Variants in PSMA4 observed in about 807,000 individuals in gnomAD.
PSMA4 encodes the protein proteasome 20S subunit alpha 4.
PSMA4 carries 8 observed loss-of-function variants against 37.2 expected under a neutral mutation model. The ratio of observed to expected loss-of-function variants is 0.22; its 90% CI spans 0.13 to 0.39. The LOEUF (loss-of-function observed/expected upper bound fraction) is 0.39. Among genes scored for constraint, PSMA4 ranks in the 10% least tolerant of loss-of-function variants. PSMA4 has a pLI of 1.00. For synonymous variants in PSMA4, 93 were observed against 98.8 expected (o/e 0.94, Z 0.35); for missense variants, 169 against 305.1 (o/e 0.55, Z 3.32).
At chr15:78,541,526 C>T (rs1381021662) in intron 1 of PSMA4, 1 of 255,110 alleles carries the variant, frequency 3.9e-6, no homozygotes, top group Non-Finnish European at 7.7e-6. Context: ...GTGTGGAATG[C>T]CCTTCTTTCT....
At chr15:78,541,859 A>C in intron 1 of PSMA4, 46 bp from the exon 2 acceptor site, 1 of 1,456,396 alleles carries the variant, frequency 6.9e-7, no homozygotes, top group Non-Finnish European at 9.6e-7. Context: ...AATGCTTTTT[A>C]ATTTGTGAAT....
At chr15:78,542,342 TTATCATCACCAGG>T in intron 3 of PSMA4, 123 bp downstream of exon 3, 1 of 1,395,740 alleles carries the variant, frequency 7.2e-7, no homozygotes, top group African/African-American at 1.5e-5. Context: ...TTTGAAGCAA[TTATCATCACCAGG>T]TTGATTATAC....
intron 5 of PSMA4, 196 bp from the exon 6 acceptor site, chr15:78,544,673 C>T: frequency 2.0e-6 from 1 of 489,604 alleles, no homozygotes; most frequent in Non-Finnish European, 3.6e-6. Context: ...TTGAAAATTA[C>T]AGATTTTTTT....
chr15:78,544,805 A>G, intron 5 of PSMA4, 64 bp from the exon 6 acceptor site: 1 of 1,152,342 alleles, frequency 8.7e-7, no homozygotes, highest in Non-Finnish European at 1.3e-6. Context: ...TTCAGAGAAT[A>G]TTTTCCTTAG....
In PSMA4 at chr15:78,541,729, C is replaced by CAGTATT. The variant is rs2052456895; in HGVS notation, c.-23-173_-23-168dup. 1.0e-5 allele frequency: 6 copies of CAGTATT among 595,560 alleles called. No individual in the cohort carries two copies. The South Asian group carries it at 1.0e-4, about 10-fold the overall frequency. The allele number at this position is 595,560 out of a possible 1,614,324, so 36.9% of individuals were successfully genotyped here. On this transcript the variant is annotated intron_variant, in intron 1 of 8. Transcript: ENST00000044462. ...ATGACTGCCTCTCTCACCTAACTGC[C>CAGTATT]AGTATTAGCTTTTCAGGACAGGAAC...
rs1398520601 is a variant in PSMA4 at position 78,541,887 on chromosome 15, C to G, written c.-23-18C>G. ...TTGTGAATCTTATTTTAATGATGAT[C>G]TGATTTTCTTTTTACAGGAACTATA... On this transcript the variant is annotated intron_variant, in intron 1 of 8. Transcript: ENST00000044462. 6.5e-7 allele frequency: 1 copy of G among 1,543,268 alleles called. No individual in the cohort carries two copies. Among genetic ancestry groups the G allele is most frequent in the Non-Finnish European group, 8.9e-7 (1 of 1,118,382 alleles).
chr15:78,546,673 T>C lies in PSMA4; in HGVS notation c.606T>C (p.Asp202=). The C allele has an allele frequency of 1.2e-6, 2 of 1,602,052 alleles. No individual in the cohort carries two copies. The highest frequency in any genetic ancestry group is 8.5e-7 in the Non-Finnish European group (1 of 1,176,700). The change falls in exon 8 of 9, where the codon GAT becomes GAC. Residue 202 remains aspartate (D), a synonymous_variant. Transcript: ENST00000044462. The part of the protein sequence containing the change: ...LAIKVLNKTM[D]VSKLSAEKVE... Reference sequence around the variant, plus strand: ...TCAAAGTACTAAATAAGACCATGGATGTTAGTAAACTCTCTGCTGAAAAAG... The same window carrying C: ...TCAAAGTACTAAATAAGACCATGGACGTTAGTAAACTCTCTGCTGAAAAAG...
At position 78,542,234 on chromosome 15, in the gene PSMA4, G is replaced by A. The variant is rs1596041322; in HGVS notation, c.46+15G>A. ...TTCTCCAGAAGGTAAAATAGAAATT[G>A]TTTAATCTGCCTCAAGTTTAAAAAT... On this transcript the variant is annotated intron_variant, in intron 3 of 8. Transcript: ENST00000044462. 1 of 1,584,184 alleles carries A rather than the reference G, an allele frequency of 6.3e-7. No individual in the cohort carries two copies.
intron 1 of PSMA4, chr15:78,540,818 T>G (rs2052434542): frequency 6.6e-6 from 1 of 152,226 alleles, no homozygotes; most frequent in Non-Finnish European, 1.5e-5. Flanking sequence ...TGGGGTGGCT[T>G]CCGTCCTCAG....
At chr15:78,543,554 G>A (rs1048718595) in intron 4 of PSMA4, among the ~76,000 whole-genome samples, 36 of 144,566 alleles carry the variant, frequency 2.5e-4, no homozygotes, top group African/African-American at 8.1e-4. Context: ...AGAGCAGTCT[G>A]TCTAGCAAAA....
chr15:78,546,333 A>G (rs930584821), intron 7 of PSMA4, among the ~76,000 whole-genome samples: 1 of 151,914 alleles, frequency 6.6e-6, no homozygotes, highest in Non-Finnish European at 1.5e-5. Flanking sequence ...AATCCTAGCT[A>G]CCCAGGAGGC....
At chr15:78,548,690 C>T (rs1396557491) in intron 8 of PSMA4, 100 bp from the exon 9 acceptor site, 4 of 1,481,908 alleles carry the variant, frequency 2.7e-6, no homozygotes, top group South Asian at 1.6e-5. Flanking sequence ...ACTAACGTTT[C>T]AATGATGTGG....
At chr15:78,541,326 C>A (rs1477708103) in intron 1 of PSMA4, 1 of 155,372 alleles carries the variant, frequency 6.4e-6, no homozygotes, top group Non-Finnish European at 1.4e-5. Flanking sequence ...ATAACTGCCT[C>A]CACCCCCAAG....
intron 8 of PSMA4, 73 bp from the exon 9 acceptor site, chr15:78,548,717 G>GT: frequency 6.5e-7 from 1 of 1,534,646 alleles, no homozygotes; most frequent in Non-Finnish European, 8.7e-7. Flanking sequence ...TAAACCATGA[G>GT]TGCCTATTAA....
chr15:78,541,505 C>G, intron 1 of PSMA4: 2 of 217,212 alleles, frequency 9.2e-6, no homozygotes, highest in South Asian at 1.2e-4. Flanking sequence ...TTTGTTCATA[C>G]TTTCTGCTCT....
Position 78,548,896 on chromosome 15 carries a change from A to C in PSMA4, c.738A>C (p.Lys246Asn). Residue 246 changes from lysine to asparagine, a missense_variant, in exon 9 of 9, where the codon AAA becomes AAC. Physicochemically the swap from Lys to Asn is moderately conservative, Grantham distance 94 (BLOSUM62 0). This residue lies in a region of PSMA4 where 90 missense variants were observed against 92.7 expected (regional missense o/e 0.97). Transcript: ENST00000044462. ...AAAAACATGAGGAAGAAGAAGCCAA[A>C]GCTGAGCGTGAGAAGAAAGAAAAAG... Reference protein sequence around the residue: ...LIKKHEEEEAKAEREKKEKEQ... With the variant: ...LIKKHEEEEANAEREKKEKEQ... The C allele has an allele frequency of 6.2e-7, 1 of 1,612,326 alleles. No individual in the cohort carries two copies. Among genetic ancestry groups the C allele is most frequent in the South Asian group, 1.1e-5 (1 of 90,488 alleles).
intron 5 of PSMA4, 116 bp from the exon 6 acceptor site, chr15:78,544,753 T>C (rs2052521432): frequency 1.7e-6 from 1 of 595,798 alleles, no homozygotes; most frequent in Non-Finnish European, 3.0e-6. Context: ...CCCCTTCAAA[T>C]TACAAATGAC....
At position 78,546,655 on chromosome 15, in the gene PSMA4, A is replaced by G. The variant is rs2052558674; in HGVS notation, c.588A>G (p.Val196=). ...LKSALALAIK[V]LNKTMDVSKL... is the part of the protein sequence containing the mutation. Reference sequence around the variant, plus strand: ...CAGCACTTGCTTTAGCTATCAAAGTACTAAATAAGACCATGGATGTTAGTA... The same window carrying G: ...CAGCACTTGCTTTAGCTATCAAAGTGCTAAATAAGACCATGGATGTTAGTA... Residue 196 remains valine (V), a synonymous_variant, in exon 8 of 9, where the codon GTA becomes GTG. Transcript: ENST00000044462. 2 of 1,603,992 alleles carry G rather than the reference A, an allele frequency of 1.2e-6. No individual in the cohort carries two copies. Among genetic ancestry groups the G allele is most frequent in the Non-Finnish European group, 8.5e-7 (1 of 1,176,758 alleles).
intron 8 of PSMA4, among the ~76,000 whole-genome samples, chr15:78,546,926 C>T (rs1417935458): frequency 2.0e-5 from 3 of 152,216 alleles, no homozygotes; most frequent in East Asian, 3.9e-4. Flanking sequence ...CCACCATGCC[C>T]AGCTAATTTT....
Sources: allele counts gnomAD v4.1 joint callset (sites outside exome capture counted in the v4.1 genomes callset), GRCh38; gene constraint gnomAD v4.1.1; regional missense constraint gnomAD v4.1.1; transcripts MANE v1.5; gene names NCBI Gene and HGNC (gene_info 2026-07-23, HGNC 2026-07-21).